Variants in FREM1 observed in about 807,000 individuals in gnomAD.
FREM1 encodes FRAS1-related extracellular matrix protein 1.
A neutral mutation model predicts 210.1 loss-of-function variants in FREM1; 220 were observed. The ratio of observed to expected loss-of-function variants is 1.05; its 90% CI spans 0.94 to 1.17. The LOEUF is 1.17. FREM1 is among the 50% of genes most tolerant of loss of function. FREM1 has a pLI of 0.00. For missense variants in FREM1, 3,454 were observed against 2,675.5 expected, an observed-to-expected ratio of 1.29 and a Z score of -6.42; for synonymous variants, 1,189 against 980.2, an observed-to-expected ratio of 1.21 and a Z score of -3.98.
At position 14,805,036 on chromosome 9, in the gene FREM1, G is replaced by C; in HGVS notation, c.3391C>G (p.His1131Asp). 1.9e-6 allele frequency: 3 copies of C among 1,613,548 alleles called. No individual in the cohort carries two copies. Among genetic ancestry groups the C allele is most frequent in the Non-Finnish European group, 2.5e-6 (3 of 1,179,476 alleles). The change falls in exon 19 of 37, where the codon CAC becomes GAC. Residue 1131 changes from histidine (H) to aspartate (D), a missense_variant. His to Asp is a moderately conservative substitution (Grantham distance 81). Transcript: ENST00000380880. Reference protein sequence around the residue: ...FTVYVTDGKHHSLEIPFSIII... With the variant: ...FTVYVTDGKHDSLEIPFSIII... Reference sequence around the variant, plus strand: ...ATAGAAAATGGTATCTCCAAGGAGTGATGCTTCCCATCTGTGACGTACACC... The same window carrying C: ...ATAGAAAATGGTATCTCCAAGGAGTCATGCTTCCCATCTGTGACGTACACC...
At chr9:14,819,137 A>T in intron 14 of FREM1, 97 bp downstream of exon 14, 2 of 804,656 alleles carry the variant, frequency 2.5e-6, no homozygotes, top group Non-Finnish European at 3.8e-6. Flanking sequence ...GGTATCCTTT[A>T]AGAAATTGGA....
intron 18 of FREM1, 49 bp downstream of exon 18, chr9:14,806,612 C>T (rs1004310757): frequency 3.6e-6 from 4 of 1,107,146 alleles, no homozygotes. Flanking sequence ...CAATCGCTTC[C>T]ATAAATATAA....
Position 14,775,887 on chromosome 9 carries a change from G to C in FREM1, c.4759C>G (p.Gln1587Glu). The C allele has an allele frequency of 6.2e-7, 1 of 1,613,888 alleles. No individual in the cohort carries two copies. The highest frequency in any genetic ancestry group is 8.5e-7 in the Non-Finnish European group (1 of 1,179,784). Residue 1587 changes from glutamine (Q) to glutamate (E), a missense_variant, in exon 25 of 37, where the codon CAG becomes GAG. Coordinates refer to ENST00000380880, the MANE Select transcript of FREM1 (RefSeq NM_001379081.2). ...VAYRHSGGDS[Q>E]TDCFTFMATD... ...GCCATGAAAGTAAAGCAGTCAGTCT[G>C]GGAGTCCCCTCCTGAGTGCCGATAG...
intron 3 of FREM1, among the ~76,000 whole-genome samples, chr9:14,860,567 A>G (rs1316261674): frequency 3.2e-5 from 4 of 124,268 alleles, no homozygotes; most frequent in African/African-American, 1.4e-4. Flanking sequence ...ACACATATAT[A>G]TACACATATA....
At chr9:14,855,567 T>C (rs1362701828) in intron 5 of FREM1, among the ~76,000 whole-genome samples, 2 of 151,832 alleles carry the variant, frequency 1.3e-5, no homozygotes, top group African/African-American at 4.8e-5. Flanking sequence ...AAACCAACTC[T>C]GGCATGCACT....
rs576316170 is a variant in FREM1, at chr9:14,888,818, C to A, written c.-267-19574G>T. ...ATCATCGAGGCCATATTCTTCAGTT[C>A]ATTTATCAATGTATTTGCTTTTTCT... is the stretch of plus-strand genomic sequence containing the variant. On this transcript the variant is annotated intron_variant, in intron 1 of 36. Transcript: ENST00000380880. Among the ~76,000 whole-genome samples the A allele has an allele frequency of 3.3e-5, 5 of 152,218 alleles. No individual in the cohort carries two copies. In the South Asian group the frequency reaches 1.0e-3, roughly 32 times the overall value.
In FREM1 at chr9:14,784,406, T is replaced by C. The variant is rs763751772; in HGVS notation, c.4406A>G (p.His1469Arg). The change falls in exon 24 of 37, where the codon CAC (histidine) becomes CGC (arginine). Residue 1469 changes from histidine (H) to arginine (R), a missense_variant. By Grantham distance (29) the His-to-Arg change is conservative (BLOSUM62 0). Coordinates refer to ENST00000380880, the MANE Select transcript of FREM1 (RefSeq NM_001379081.2). ...ACTGGAGACAGTCACCTTGCTCTTG[T>C]GTACATAGCAAACTGTCTGCCCCAC... ...DVVGQTVCYV[H>R]KSKVTVSSDR... 6.8e-6 allele frequency: 11 copies of C among 1,613,782 alleles called. No homozygotes were observed. The South Asian group carries it at 1.2e-4, about 18-fold the overall frequency.
intron 27 of FREM1, among the ~76,000 whole-genome samples, chr9:14,768,579 T>C (rs1422600849): frequency 6.6e-6 from 1 of 152,124 alleles, no homozygotes; most frequent in African/African-American, 2.4e-5. Context: ...AGCCACTCGA[T>C]AAAAGTCTGT....
At chr9:14,841,389 C>A (rs1552896) in intron 10 of FREM1, 58 bp downstream of exon 10, 11 of 1,383,720 alleles carry the variant, frequency 7.9e-6, no homozygotes, top group Non-Finnish European at 9.7e-6. Flanking sequence ...AACCACATCT[C>A]CTAGAATTGA....
intron 1 of FREM1, among the ~76,000 whole-genome samples, chr9:14,885,930 C>G (rs1046101176): frequency 6.6e-6 from 1 of 152,148 alleles, no homozygotes; most frequent in African/African-American, 2.4e-5. Flanking sequence ...TCATGTTGTA[C>G]AATACATCTC....
intron 10 of FREM1, among the ~76,000 whole-genome samples, chr9:14,837,159 C>T (rs1238000940): frequency 3.3e-5 from 5 of 152,138 alleles, no homozygotes; most frequent in African/African-American, 1.2e-4. Context: ...AGGGTGCCCA[C>T]ATTTGCATAT....
chr9:14,845,701 A>G (rs1826483066), intron 8 of FREM1, among the ~76,000 whole-genome samples: 1 of 152,252 alleles, frequency 6.6e-6, no homozygotes, highest in Non-Finnish European at 1.5e-5. Context: ...ACTTACAAGA[A>G]GCCATGCATG....
At chr9:14,883,379 G>T (rs1346506840) in intron 1 of FREM1, among the ~76,000 whole-genome samples, 2 of 151,992 alleles carry the variant, frequency 1.3e-5, no homozygotes, top group East Asian at 1.9e-4. Flanking sequence ...GATCAAAAAG[G>T]GTATGCTTTG....
At position 14,836,123 on chromosome 9, in the gene FREM1, T is replaced by C. The variant is rs796231450; in HGVS notation, c.1881+5324A>G. ...GGGAAAATAAAACCAAGGAACTTCA[T>C]AGACCCCCAAAGGGGAGTTCTCTAT... On this transcript the variant is annotated intron_variant, in intron 10 of 36. Transcript: ENST00000380880. The surrounding 1 kb of genome is among the most constrained non-coding windows in gnomAD (Gnocchi z 4.9). Among the ~76,000 whole-genome samples the C allele has an allele frequency of 3.3e-5, 5 of 152,346 alleles. No individual in the cohort carries two copies. The highest frequency in any genetic ancestry group is 9.6e-5 in the African/African-American group (4 of 41,594).
intron 29 of FREM1, among the ~76,000 whole-genome samples, chr9:14,752,803 C>T (rs1843622744): frequency 1.3e-5 from 2 of 152,098 alleles, no homozygotes; most frequent in Admixed American, 6.5e-5. Context: ...CAACTCCCAA[C>T]CGACTCTCTG....
intron 3 of FREM1, among the ~76,000 whole-genome samples, chr9:14,862,422 C>T (rs1001273629): frequency 6.6e-6 from 1 of 152,198 alleles, no homozygotes; most frequent in East Asian, 1.9e-4. Flanking sequence ...TAAAGGCCTA[C>T]TCCACATACA....
chr9:14,897,299 C>T (rs150841399), intron 1 of FREM1, among the ~76,000 whole-genome samples: 67 of 152,232 alleles, frequency 4.4e-4, no homozygotes, highest in African/African-American at 1.5e-3. Context: ...TTGTCTAAGG[C>T]AAATTCTCTT....
At position 14,819,441 on chromosome 9, in the gene FREM1, G is replaced by T; in HGVS notation, c.2339C>A (p.Ala780Glu). ...ILPVDNQVPE[A>E]FTNPLKVTEG... ...AGTCACTTTCAGAGGGTTGGTGAACGCCTAGAAAGAAGAAAGGAAGGAAAC... is the reference window on the plus strand; with the variant it reads ...AGTCACTTTCAGAGGGTTGGTGAACTCCTAGAAAGAAGAAAGGAAGGAAAC... The change falls in exon 14 of 37, where the codon GCG (alanine) becomes GAG (glutamate). Residue 780 changes from alanine to glutamate, a missense_variant and splice_region_variant. Transcript: ENST00000380880. The T allele has an allele frequency of 6.2e-7, 1 of 1,601,924 alleles. No individual in the cohort carries two copies. Among genetic ancestry groups the T allele is most frequent in the Non-Finnish European group, 8.5e-7 (1 of 1,170,006 alleles).
chr9:14,895,174 G>A lies in FREM1; in HGVS notation c.-268+14740C>T, dbSNP rs368646990. Among the ~76,000 whole-genome samples, 8 of 152,224 alleles carry A rather than the reference G, an allele frequency of 5.3e-5. No homozygotes were observed. The South Asian group carries it at 6.2e-4, about 12-fold the overall frequency. On this transcript the variant is annotated intron_variant, in intron 1 of 36. Coordinates refer to ENST00000380880, the MANE Select transcript of FREM1 (RefSeq NM_001379081.2). Reference sequence around the variant, plus strand: ...AAAAGTCTTATTTGAGATTCCTTACGGAACAGAGTTCCATTAAAGTCAATT... The same window carrying A: ...AAAAGTCTTATTTGAGATTCCTTACAGAACAGAGTTCCATTAAAGTCAATT...
Sources: allele counts gnomAD v4.1 joint callset (sites outside exome capture counted in the v4.1 genomes callset), GRCh38; gene constraint gnomAD v4.1.1; non-coding constraint Gnocchi (gnomAD v3.1); transcripts MANE v1.5; gene names NCBI Gene and HGNC (gene_info 2026-07-23, HGNC 2026-07-21).